HLCS: variants seen among roughly 807,000 people sequenced by gnomAD.
HLCS encodes biotin--protein ligase.
A neutral mutation model predicts 75.0 loss-of-function variants in HLCS; 53 were observed. The ratio of observed to expected loss-of-function variants is 0.71; its 90% CI spans 0.57 to 0.89. The LOEUF is 0.89. HLCS is among the 40% of genes least tolerant of loss of function. The pLI is 0.00. For synonymous variants in HLCS, 431 were observed against 428.6 expected, an observed-to-expected ratio of 1.01 and a Z score of -0.07; for missense variants, 966 against 1,074.0, an observed-to-expected ratio of 0.90 and a Z score of 1.41.
chr21:36,952,321 T>C (rs115313481), intron 2 of HLCS, among the ~76,000 whole-genome samples: 1 of 152,286 alleles, frequency 6.6e-6, no homozygotes, highest in African/African-American at 2.4e-5. Flanking sequence ...TTTTGAATCC[T>C]AATTTATAAA....
At chr21:36,830,650 A>G (rs888623382) in intron 6 of HLCS, among the ~76,000 whole-genome samples, 1 of 151,984 alleles carries the variant, frequency 6.6e-6, no homozygotes, top group African/African-American at 2.4e-5. Flanking sequence ...CCTGGGCAAC[A>G]TGATGAAACC....
intron 10 of HLCS, among the ~76,000 whole-genome samples, chr21:36,755,759 C>T (rs780922646): frequency 1.6e-4 from 25 of 152,354 alleles, no homozygotes; most frequent in Non-Finnish European, 2.9e-4. Flanking sequence ...AATCAGTGAG[C>T]GGTCCTCGGA....
intron 6 of HLCS, among the ~76,000 whole-genome samples, chr21:36,838,079 A>G (rs553491152): frequency 6.1e-4 from 93 of 152,194 alleles, no homozygotes; most frequent in Non-Finnish European, 1.2e-3. Context: ...ATTTCATCCC[A>G]TTTTTGGTTG....
Position 36,966,425 on chromosome 21 carries a change from G to GGGGGGCC in HLCS, c.195+18_195+19insGGCCCCC. 2.0e-5 allele frequency: 4 copies of GGGGGGCC among 195,438 alleles called. No individual in the cohort carries two copies. The highest frequency in any genetic ancestry group is 2.6e-5 in the African/African-American group (1 of 38,512). The allele number at this position is 195,438 out of a possible 1,614,324, so 12.1% of individuals were successfully genotyped here. ...CCGGCTCGCGGGGCCCGGGTCGCCC[G>GGGGGGCC]CCCGCCCGACCCGCCCACCTGGCTG... On this transcript the variant is annotated intron_variant, in intron 1 of 10. Transcript: ENST00000674895.
chr21:36,933,060 G>A (rs2066718023), intron 4 of HLCS, among the ~76,000 whole-genome samples: 1 of 152,210 alleles, frequency 6.6e-6, no homozygotes, highest in African/African-American at 2.4e-5. Context: ...AGAGGTTGCA[G>A]TGAGCTGAGA....
chr21:36,874,117 T>C (rs1167809575), intron 6 of HLCS, among the ~76,000 whole-genome samples: 2 of 152,230 alleles, frequency 1.3e-5, no homozygotes, highest in African/African-American at 4.8e-5. Flanking sequence ...TTTTCCTATA[T>C]GGAGCACATA....
chr21:36,984,913 C>T (rs2069198715), intron 1 of HLCS, among the ~76,000 whole-genome samples: 1 of 151,140 alleles, frequency 6.6e-6, no homozygotes, highest in Non-Finnish European at 1.5e-5. Flanking sequence ...CTGCAGTTGG[C>T]CACAGGTAAC....
At chr21:36,914,072 T>C (rs1334119520) in intron 5 of HLCS, among the ~76,000 whole-genome samples, 5 of 152,182 alleles carry the variant, frequency 3.3e-5, no homozygotes, top group African/African-American at 1.2e-4. Flanking sequence ...TATTAATACC[T>C]TGACCTCTCT....
At chr21:36,843,680 T>C (rs887345351) in intron 6 of HLCS, among the ~76,000 whole-genome samples, 32 of 151,986 alleles carry the variant, frequency 2.1e-4, no homozygotes, top group Admixed American at 3.9e-4. Context: ...AAAACAAAAG[T>C]TTCTGAAATT....
At chr21:36,792,473 G>C (rs1284911193) in intron 6 of HLCS, among the ~76,000 whole-genome samples, 1 of 141,078 alleles carries the variant, frequency 7.1e-6, no homozygotes, top group African/African-American at 2.6e-5. Flanking sequence ...AGGGAAGGGA[G>C]AGGGGGAGGG....
chr21:36,778,600 T>C (rs1373213435), intron 6 of HLCS, among the ~76,000 whole-genome samples: 2 of 152,226 alleles, frequency 1.3e-5, no homozygotes, highest in East Asian at 1.9e-4. Context: ...ATTTACTTGA[T>C]GGTTGCCAAA....
chr21:36,985,097 T>C (rs2069202585), intron 1 of HLCS, among the ~76,000 whole-genome samples: 1 of 152,224 alleles, frequency 6.6e-6, no homozygotes, highest in African/African-American at 2.4e-5. Flanking sequence ...TTCTCCAACA[T>C]AACCACACTG....
chr21:36,807,406 A>C (rs1176130715), intron 6 of HLCS, among the ~76,000 whole-genome samples: 1 of 152,216 alleles, frequency 6.6e-6, no homozygotes, highest in African/African-American at 2.4e-5. Flanking sequence ...CAAAAGCGAG[A>C]GCATCTCCAT....
At chr21:36,840,832 T>G (rs902221415) in intron 6 of HLCS, among the ~76,000 whole-genome samples, 1 of 152,056 alleles carries the variant, frequency 6.6e-6, no homozygotes, top group Non-Finnish European at 1.5e-5. Context: ...AGGCTGGTCT[T>G]GAACTCTTGA....
chr21:36,944,665 C>T (rs1331769903), intron 2 of HLCS, among the ~76,000 whole-genome samples: 2 of 152,122 alleles, frequency 1.3e-5, no homozygotes, highest in Non-Finnish European at 2.9e-5. Flanking sequence ...GTCAGCATCA[C>T]TAAGTGGACA....
At chr21:36,768,407 C>T (rs1456007298) in intron 6 of HLCS, among the ~76,000 whole-genome samples, 1 of 152,176 alleles carries the variant, frequency 6.6e-6, no homozygotes, top group African/African-American at 2.4e-5. Flanking sequence ...GCTACAGAAA[C>T]TGGGTGGAAC....
At position 36,765,180 on chromosome 21, in the gene HLCS, A is replaced by G; in HGVS notation, c.1961-8T>C. ...ACACATTCCCTCCCCGTCCTGGAAC[A>G]CAGGCCACAGTGGGAAACATGCTAC... On this transcript the variant is annotated splice_polypyrimidine_tract_variant and splice_region_variant and intron_variant, in intron 7 of 10. Transcript: ENST00000674895. The G allele has an allele frequency of 6.2e-7, 1 of 1,614,180 alleles. No homozygotes were observed. The highest frequency in any genetic ancestry group is 8.5e-7 in the Non-Finnish European group (1 of 1,180,006).
At chr21:36,934,587 G>A (rs2066794538) in intron 4 of HLCS, among the ~76,000 whole-genome samples, 1 of 152,328 alleles carries the variant, frequency 6.6e-6, no homozygotes. Context: ...AGTACAGCGA[G>A]CATACAAACA....
intron 6 of HLCS, among the ~76,000 whole-genome samples, chr21:36,808,641 T>G (rs1258972967): frequency 6.6e-6 from 1 of 152,182 alleles, no homozygotes; most frequent in Non-Finnish European, 1.5e-5. Context: ...AGTGTTATAA[T>G]TTTTGCTTAA....
Sources: gnomAD v4.1 joint callset for allele counts (sites outside exome capture counted in the v4.1 genomes callset) on GRCh38, gnomAD v4.1.1 for gene constraint, MANE v1.5 for transcripts, NCBI Gene and HGNC (gene_info 2026-07-23, HGNC 2026-07-21) for gene names.